The following RGS5 variants were observed in gnomAD, a reference collection of about 807,000 sequenced individuals.
RGS5 encodes the protein regulator of G protein signaling 5, also known as regulator of G-protein signalling 5.
A neutral mutation model predicts 18.9 loss-of-function variants in RGS5; 20 were observed. The ratio of observed to expected loss-of-function variants is 1.06; its 90% CI spans 0.74 to 1.54. The LOEUF is 1.54. Ranked by LOEUF, RGS5 falls within the 40% of genes most tolerant of loss-of-function variation. RGS5 has a pLI of 0.00. For missense variants in RGS5, 201 were observed against 211.8 expected, an observed-to-expected ratio of 0.95 and a Z score of 0.32; for synonymous variants, 57 against 76.2, an observed-to-expected ratio of 0.75 and a Z score of 1.31.
At chr1:163,178,149 A>G (rs1241778046) in intron 1 of RGS5, among the ~76,000 whole-genome samples, 1 of 152,204 alleles carries the variant, frequency 6.6e-6, no homozygotes, top group African/African-American at 2.4e-5. Flanking sequence ...TCTCTTCTAA[A>G]AATACAAAAA....
intron 2 of RGS5, chr1:163,245,010 G>A (rs1337896973): frequency 6.6e-6 from 1 of 152,202 alleles, no homozygotes; most frequent in Non-Finnish European, 1.5e-5. Context: ...TAGATAGATA[G>A]GAGGTACTGG....
intron 1 of RGS5, chr1:163,306,354 T>C (rs575728590): frequency 1.3e-5 from 2 of 152,320 alleles, no homozygotes; most frequent in South Asian, 2.1e-4. Context: ...ATGAATCGCA[T>C]GTACTCAGCA....
intron 3 of RGS5, among the ~76,000 whole-genome samples, chr1:163,160,529 AAG>A (rs2102391903): frequency 6.6e-6 from 1 of 152,294 alleles, no homozygotes; most frequent in South Asian, 2.1e-4. Context: ...ACAAGAAAAA[AAG>A]AGAGAGAATC....
At chr1:163,269,155 A>G (rs1000969607) in intron 2 of RGS5, among the ~76,000 whole-genome samples, 2 of 152,150 alleles carry the variant, frequency 1.3e-5, no homozygotes, top group African/African-American at 2.4e-5. Flanking sequence ...AATATAGTAT[A>G]TTACAACTGT....
intron 1 of RGS5, among the ~76,000 whole-genome samples, chr1:163,181,650 T>A (rs1557893683): frequency 6.6e-6 from 1 of 152,190 alleles, no homozygotes; most frequent in African/African-American, 2.4e-5. Context: ...AATGTATACC[T>A]AAGAGTCCCA....
intron 2 of RGS5, among the ~76,000 whole-genome samples, chr1:163,257,324 A>C (rs1164953703): frequency 6.6e-6 from 1 of 152,130 alleles, no homozygotes; most frequent in Non-Finnish European, 1.5e-5. Flanking sequence ...CTTCATAGCC[A>C]AAGAGGATTC....
chr1:163,171,082 G>A (rs535149172), intron 1 of RGS5, among the ~76,000 whole-genome samples: 8 of 152,066 alleles, frequency 5.3e-5, no homozygotes, highest in South Asian at 2.1e-4. Context: ...CCAACCCACC[G>A]CCCATGTTCC....
chr1:163,204,094 ACT>A, upstream of RGS5, among the ~76,000 whole-genome samples: 1 of 152,120 alleles, frequency 6.6e-6, no homozygotes, highest in East Asian at 1.9e-4. Context: ...AACCCCTGTT[ACT>A]GGCTTGTAAA....
intron 2 of RGS5, among the ~76,000 whole-genome samples, chr1:163,268,370 G>C (rs1304663031): frequency 6.6e-6 from 1 of 152,080 alleles, no homozygotes; most frequent in Non-Finnish European, 1.5e-5. Context: ...TTGCAGACTA[G>C]AAAACAGGTG....
At chr1:163,154,075 C>T (rs1006315039) in intron 3 of RGS5, among the ~76,000 whole-genome samples, 1 of 152,082 alleles carries the variant, frequency 6.6e-6, no homozygotes, top group Non-Finnish European at 1.5e-5. Flanking sequence ...CTCTAATTTG[C>T]CCCCACCTGG....
At chr1:163,284,864 G>A (rs1203034648) in intron 2 of RGS5, among the ~76,000 whole-genome samples, 1 of 151,554 alleles carries the variant, frequency 6.6e-6, no homozygotes, top group East Asian at 1.9e-4. Context: ...ATGTCCCATG[G>A]TAAATGTATT....
At chr1:163,175,740 T>G (rs926985066) in intron 1 of RGS5, among the ~76,000 whole-genome samples, 1 of 152,248 alleles carries the variant, frequency 6.6e-6, no homozygotes, top group Non-Finnish European at 1.5e-5. Flanking sequence ...TAGTGTGATA[T>G]CATGTTAAAA....
chr1:163,263,253 T>C (rs1445559296), intron 2 of RGS5, among the ~76,000 whole-genome samples: 1 of 152,204 alleles, frequency 6.6e-6, no homozygotes, highest in Non-Finnish European at 1.5e-5. Context: ...CACTAGGCAT[T>C]TCCCTAAGAG....
intron 2 of RGS5, among the ~76,000 whole-genome samples, chr1:163,253,210 G>C (rs963909940): frequency 1.3e-5 from 2 of 152,066 alleles, no homozygotes; most frequent in Non-Finnish European, 2.9e-5. Context: ...TCCTGTGTCC[G>C]AGTACTCTGA....
chr1:163,264,104 T>C (rs139143102), intron 2 of RGS5, among the ~76,000 whole-genome samples: 8 of 152,208 alleles, frequency 5.3e-5, no homozygotes, highest in South Asian at 2.1e-4. Context: ...CCTTACCTAA[T>C]AAGAGGTCTT....
intron 2 of RGS5, among the ~76,000 whole-genome samples, chr1:163,274,404 C>G (rs988014566): frequency 7.6e-5 from 11 of 144,590 alleles, no homozygotes; most frequent in African/African-American, 2.4e-4. Context: ...GTAGCAGACC[C>G]CAAGTTTAGG....
intron 3 of RGS5, among the ~76,000 whole-genome samples, chr1:163,153,625 A>G (rs900989083): frequency 6.6e-6 from 1 of 151,462 alleles, no homozygotes; most frequent in African/African-American, 2.4e-5. Flanking sequence ...TTTAAAAATT[A>G]TATCTATATA....
chr1:163,297,257 T>C (rs1649444053), intron 2 of RGS5, among the ~76,000 whole-genome samples: 1 of 152,190 alleles, frequency 6.6e-6, no homozygotes, highest in Admixed American at 6.5e-5. Flanking sequence ...GTGCTTGTGC[T>C]GTGTGCTGAA....
At chr1:163,165,000 T>G (rs1035820686) in intron 2 of RGS5, among the ~76,000 whole-genome samples, 29 of 152,220 alleles carry the variant, frequency 1.9e-4, no homozygotes, top group Non-Finnish European at 3.1e-4. Context: ...AACAGTACAG[T>G]CTGCTCATGA....
Sources: gnomAD v4.1 joint callset for allele counts (sites outside exome capture counted in the v4.1 genomes callset) on GRCh38, gnomAD v4.1.1 for gene constraint, MANE v1.5 for transcripts, NCBI Gene and HGNC (gene_info 2026-07-23, HGNC 2026-07-21) for gene names.